The following DNAH11 variants were observed in gnomAD, a reference collection of about 807,000 sequenced individuals.
DNAH11 encodes the protein axonemal beta dynein heavy chain 11.
A neutral mutation model predicts 526.0 loss-of-function variants in DNAH11; 442 were observed. That is an observed-to-expected ratio of 0.84 (90% CI 0.78 to 0.91). The LOEUF (loss-of-function observed/expected upper bound fraction) is 0.91, where lower values mean the gene tolerates loss of function less well. DNAH11 is among the 40% of genes least tolerant of loss of function. The pLI, the probability that DNAH11 is intolerant of heterozygous loss-of-function variation, is 0.00. For missense variants in DNAH11, 6,989 were observed against 5,448.7 expected (o/e 1.28, Z -8.90); for synonymous variants, 2,461 against 1,935.9 (o/e 1.27, Z -7.12).
chr7:21,616,859 T>C (rs1445461211), intron 22 of DNAH11, among the ~76,000 whole-genome samples: 1 of 152,200 alleles, frequency 6.6e-6, no homozygotes, highest in Non-Finnish European at 1.5e-5. Flanking sequence ...AGAGCATCTT[T>C]GGATAAAGGC....
At chr7:21,568,814 T>G (rs1783771285) in intron 6 of DNAH11, among the ~76,000 whole-genome samples, 1 of 150,640 alleles carries the variant, frequency 6.6e-6, no homozygotes, top group Non-Finnish European at 1.5e-5. Flanking sequence ...TTTTTCAGCA[T>G]CCTAAAAAGA....
chr7:21,676,949 T>C, intron 30 of DNAH11, among the ~76,000 whole-genome samples: 1 of 152,078 alleles, frequency 6.6e-6, no homozygotes, highest in East Asian at 1.9e-4. Context: ...CTGTTCAGCA[T>C]ACACCCATTG....
rs1562614615 is a variant in DNAH11, at chr7:21,901,157, T to G, written c.13454T>G (p.Leu4485Arg). The change falls in exon 82 of 82, where the codon CTG becomes CGG. Residue 4485 changes from leucine (L) to arginine (R), a missense_variant. Leu to Arg is a moderately radical substitution (Grantham distance 102). Transcript: ENST00000409508. ...TYECPVYRTK[L>R]RGPSYIWTFR... ...GAGTGCCCTGTGTATAGAACCAAAC[T>G]GAGAGGCCCCAGCTACATCTGGACC... The G allele has an allele frequency of 1.2e-6, 2 of 1,613,682 alleles. No homozygotes were observed. The highest frequency in any genetic ancestry group is 1.3e-5 in the African/African-American group (1 of 74,854).
At chr7:21,681,152 C>T (rs920659686) in intron 30 of DNAH11, among the ~76,000 whole-genome samples, 1 of 152,024 alleles carries the variant, frequency 6.6e-6, no homozygotes, top group Non-Finnish European at 1.5e-5. Context: ...TGTGGCCAGG[C>T]GTGGTGGCTC....
rs1554281419 is a variant in DNAH11, at chr7:21,789,812, C to CTTTCTTTCTTTCTTTCTTT, written c.10026+471_10026+489dup. ...TTCTTTCTTTCTTTCTTTCTTTTTT[C>CTTTCTTTCTTTCTTTCTTT]TTTCTTTCTTTCTTTCTTTCTTTCT... On this transcript the variant is annotated intron_variant, in intron 61 of 81. Transcript: ENST00000409508. Among the ~76,000 whole-genome samples, 214 of 76,078 alleles carry CTTTCTTTCTTTCTTTCTTT rather than the reference C, an allele frequency of 2.8e-3. 1 individual carries two copies. Among genetic ancestry groups the CTTTCTTTCTTTCTTTCTTT allele is most frequent in the South Asian group, 5.6e-3 (10 of 1,788 alleles). 49.9% of individuals were successfully genotyped at this position (76,078 alleles called of 152,430 possible).
intron 20 of DNAH11, among the ~76,000 whole-genome samples, chr7:21,613,354 AAG>A (rs951222708): frequency 1.3e-5 from 2 of 152,212 alleles, no homozygotes; most frequent in Admixed American, 6.5e-5. Flanking sequence ...TAGTAGGGAA[AAG>A]AGGGATGAAA....
At chr7:21,692,005 A>G (rs1783651179) in intron 35 of DNAH11, among the ~76,000 whole-genome samples, 1 of 152,236 alleles carries the variant, frequency 6.6e-6, no homozygotes, top group East Asian at 1.9e-4. Flanking sequence ...TGCACTTAGC[A>G]GGAGTCTGTA....
At chr7:21,725,141 A>G (rs907657564) in intron 44 of DNAH11, among the ~76,000 whole-genome samples, 4 of 152,234 alleles carry the variant, frequency 2.6e-5, no homozygotes, top group African/African-American at 9.6e-5. Flanking sequence ...TTCCTTGCCA[A>G]TATAAATCTC....
At chr7:21,808,537 C>G (rs1789373404) in intron 63 of DNAH11, among the ~76,000 whole-genome samples, 1 of 152,152 alleles carries the variant, frequency 6.6e-6, no homozygotes, top group Non-Finnish European at 1.5e-5. Context: ...CATCCCCTCT[C>G]CTCCACTTCC....
At chr7:21,813,610 T>C (rs888545464) in intron 63 of DNAH11, among the ~76,000 whole-genome samples, 1 of 152,186 alleles carries the variant, frequency 6.6e-6, no homozygotes, top group African/African-American at 2.4e-5. Flanking sequence ...GGGCATTTGG[T>C]GTTATAACTA....
chr7:21,616,803 T>G (rs532976345), intron 22 of DNAH11, among the ~76,000 whole-genome samples: 1 of 152,188 alleles, frequency 6.6e-6, no homozygotes, highest in Non-Finnish European at 1.5e-5. Flanking sequence ...TTGGTACTTA[T>G]TGGAATTTGA....
intron 25 of DNAH11, among the ~76,000 whole-genome samples, chr7:21,630,108 T>C (rs1382422660): frequency 5.3e-5 from 8 of 152,024 alleles, no homozygotes; most frequent in African/African-American, 1.9e-4. Flanking sequence ...TTACCATGAG[T>C]CGTAGAAAAA....
In DNAH11 at chr7:21,861,907, A is replaced by T; in HGVS notation, c.11257A>T (p.Met3753Leu). The change falls in exon 69 of 82, where the codon ATG (methionine) becomes TTG (leucine). Residue 3753 changes from methionine (M) to leucine (L), a missense_variant. Physicochemically the swap from Met to Leu is conservative, Grantham distance 15. Coordinates refer to ENST00000409508, the MANE Select transcript of DNAH11 (RefSeq NM_001277115.2). ...CGAGCAGGCTGACAAGGTGGAAGAC[A>T]TGCAGGGACGCATCTCTATCCTGAT... is the stretch of plus-strand genomic sequence containing the variant. ...AIEQADKVED[M>L]QGRISILMES... 6.2e-7 allele frequency: 1 copy of T among 1,613,688 alleles called. No individual in the cohort carries two copies. Among genetic ancestry groups the T allele is most frequent in the South Asian group, 1.1e-5 (1 of 91,024 alleles).
At chr7:21,612,173 G>C (rs1040287373) in intron 20 of DNAH11, among the ~76,000 whole-genome samples, 1 of 152,066 alleles carries the variant, frequency 6.6e-6, no homozygotes, top group African/African-American at 2.4e-5. Context: ...GTAAATCTGA[G>C]TAGTCATATA....
In DNAH11 at chr7:21,808,011, C is replaced by T. The variant is rs779832217; in HGVS notation, c.10294C>T (p.Leu3432=). 6 of 1,580,834 alleles carry T rather than the reference C, an allele frequency of 3.8e-6. No individual in the cohort carries two copies. The highest frequency in any genetic ancestry group is 2.3e-5 in the East Asian group (1 of 44,284). The part of the protein sequence containing the change: ...GPFTRQYRQE[L]VHCKWVPFLQ... Reference sequence around the variant, plus strand: ...CTTCACAAGGCAGTATCGCCAGGAGCTGGTGCACTGCAAGTGGGTTCCCTT... The same window carrying T: ...CTTCACAAGGCAGTATCGCCAGGAGTTGGTGCACTGCAAGTGGGTTCCCTT... Residue 3432 remains leucine, a synonymous_variant, in exon 63 of 82, where the codon CTG becomes TTG. Coordinates refer to ENST00000409508, the MANE Select transcript of DNAH11 (RefSeq NM_001277115.2).
chr7:21,719,132 G>C (rs1204116036), intron 43 of DNAH11, among the ~76,000 whole-genome samples: 1 of 152,066 alleles, frequency 6.6e-6, no homozygotes, highest in Non-Finnish European at 1.5e-5. Flanking sequence ...TATGATTTCT[G>C]CTCTACTTCT....
chr7:21,619,141 G>C lies in DNAH11; in HGVS notation c.4296G>C (p.Leu1432Phe), dbSNP rs771639240. Reference protein sequence around the residue: ...LINEATTLADLLALRLHRVED... With the variant: ...LINEATTLADFLALRLHRVED... ...ATGAAGCCACAACTTTGGCAGATTT[G>C]TTAGCACTGCGGTTACACAGAGTGG... The change falls in exon 24 of 82, where the codon TTG becomes TTC. Residue 1432 changes from leucine to phenylalanine, a missense_variant. Physicochemically the swap from Leu to Phe is conservative, Grantham distance 22. Transcript: ENST00000409508. 2.2e-5 allele frequency: 35 copies of C among 1,613,664 alleles called. No individual in the cohort carries two copies. Among genetic ancestry groups the C allele is most frequent in the Non-Finnish European group, 2.9e-5 (34 of 1,179,700 alleles).
chr7:21,820,339 G>A (rs777136311), intron 65 of DNAH11, among the ~76,000 whole-genome samples: 1 of 152,172 alleles, frequency 6.6e-6, no homozygotes, highest in Non-Finnish European at 1.5e-5. Flanking sequence ...CCGTTGGTGT[G>A]GTGATAGACG....
intron 57 of DNAH11, among the ~76,000 whole-genome samples, chr7:21,781,128 C>T (rs2127983766): frequency 6.6e-6 from 1 of 152,176 alleles, no homozygotes; most frequent in East Asian, 1.9e-4. Flanking sequence ...AGATACTATG[C>T]TATGCCATAC....
Sources: allele counts gnomAD v4.1 joint callset (sites outside exome capture counted in the v4.1 genomes callset), GRCh38; gene constraint gnomAD v4.1.1; transcripts MANE v1.5; gene names NCBI Gene and HGNC (gene_info 2026-07-23, HGNC 2026-07-21).